The following LDLRAD4 variants were observed in gnomAD, a reference collection of about 807,000 sequenced individuals.
The protein encoded by LDLRAD4 is low density lipoprotein receptor class A domain containing 4, also known as low-density lipoprotein receptor class A domain-containing protein 4.
LDLRAD4 carries 5 observed loss-of-function variants against 17.0 expected under a neutral mutation model. The observed-to-expected ratio is 0.29, with a 90% CI of 0.15 to 0.62. The LOEUF is 0.62. LDLRAD4 is among the 20% of genes least tolerant of loss of function. The probability of loss-of-function intolerance (pLI) is 0.84; values close to 1 mark genes in which losing one functional copy is unlikely to be tolerated. For missense variants in LDLRAD4, 340 were observed against 424.7 expected, an observed-to-expected ratio of 0.80 and a Z score of 1.75; for synonymous variants, 168 against 171.8, an observed-to-expected ratio of 0.98 and a Z score of 0.17.
At chr18:13,428,818 G>A (rs1458400686) in intron 2 of LDLRAD4, among the ~76,000 whole-genome samples, 1 of 152,166 alleles carries the variant, frequency 6.6e-6, no homozygotes, top group South Asian at 2.1e-4. Flanking sequence ...GAAAGCTACT[G>A]GGGGAGTGAC....
chr18:13,516,468 G>A (rs902973647), intron 3 of LDLRAD4, among the ~76,000 whole-genome samples: 1 of 152,168 alleles, frequency 6.6e-6, no homozygotes, highest in Non-Finnish European at 1.5e-5. Context: ...TGAGGCCGTC[G>A]GGGAGGGTGT....
chr18:13,288,336 A>C (rs1311934086), intron 1 of LDLRAD4, among the ~76,000 whole-genome samples: 2 of 152,316 alleles, frequency 1.3e-5, no homozygotes, highest in Middle Eastern at 3.4e-3. Flanking sequence ...TCTCTTCCCT[A>C]TCTGTTTAAA....
exon 6 of LDLRAD4, chr18:13,650,657 T>C: frequency 3.4e-6 from 1 of 293,754 alleles, no homozygotes; most frequent in Non-Finnish European, 6.2e-6. Context: ...TGTATATAAG[T>C]TGAATATATT....
chr18:13,424,361 C>T (rs2089749859), intron 2 of LDLRAD4, among the ~76,000 whole-genome samples: 1 of 152,084 alleles, frequency 6.6e-6, no homozygotes, highest in Non-Finnish European at 1.5e-5. Flanking sequence ...TCTGTGTGGA[C>T]GTCTGTGACA....
intron 3 of LDLRAD4, among the ~76,000 whole-genome samples, chr18:13,617,818 C>T (rs2040223654): frequency 6.6e-6 from 1 of 152,008 alleles, no homozygotes; most frequent in Admixed American, 6.5e-5. Context: ...CAGATTGTCA[C>T]CAGTTAAAAG....
intron 2 of LDLRAD4, among the ~76,000 whole-genome samples, chr18:13,436,296 GA>G (rs1371603369): frequency 1.3e-5 from 2 of 152,220 alleles, no homozygotes; most frequent in Non-Finnish European, 1.5e-5. Context: ...TTGGTTATAT[GA>G]ACGAATGAAT....
At chr18:13,599,661 T>C (rs1223560224) in intron 3 of LDLRAD4, among the ~76,000 whole-genome samples, 4 of 151,980 alleles carry the variant, frequency 2.6e-5, no homozygotes, top group Non-Finnish European at 4.4e-5. Flanking sequence ...CGGCTAATTT[T>C]TTTGTATTTT....
At chr18:13,325,586 A>C (rs2081479811) in intron 1 of LDLRAD4, among the ~76,000 whole-genome samples, 1 of 152,100 alleles carries the variant, frequency 6.6e-6, no homozygotes, top group African/African-American at 2.4e-5. Context: ...TCAGCTGCTC[A>C]GTGCCTCCTC....
intron 3 of LDLRAD4, among the ~76,000 whole-genome samples, chr18:13,504,552 C>T (rs2555395): frequency 1.3e-5 from 2 of 152,038 alleles, no homozygotes; most frequent in Non-Finnish European, 2.9e-5. Flanking sequence ...CTCAGCCTCC[C>T]GAGTAGCTGG....
intron 4 of LDLRAD4, among the ~76,000 whole-genome samples, chr18:13,643,085 G>A (rs1470603743): frequency 2.6e-5 from 4 of 151,752 alleles, no homozygotes; most frequent in Non-Finnish European, 5.9e-5. Context: ...ACAGGCACCC[G>A]CCACCACGCC....
At chr18:13,516,058 A>C (rs2093861540) in intron 3 of LDLRAD4, 1 of 152,064 alleles carries the variant, frequency 6.6e-6, no homozygotes, top group Non-Finnish European at 1.5e-5. Context: ...CAAGTGATCC[A>C]CCCACCTTGG....
intron 3 of LDLRAD4, among the ~76,000 whole-genome samples, chr18:13,553,077 T>C (rs1443770424): frequency 6.6e-6 from 1 of 152,228 alleles, no homozygotes; most frequent in Non-Finnish European, 1.5e-5. Flanking sequence ...TTAGTAAATG[T>C]GACATTCTAG....
chr18:13,413,802 A>G (rs1257412990), intron 2 of LDLRAD4, among the ~76,000 whole-genome samples: 1 of 152,096 alleles, frequency 6.6e-6, no homozygotes, highest in Non-Finnish European at 1.5e-5. Flanking sequence ...GGGGTGGCAC[A>G]CGCCTGTAAT....
chr18:13,220,007 T>G (rs2041363326), intron 1 of LDLRAD4, among the ~76,000 whole-genome samples: 2 of 152,254 alleles, frequency 1.3e-5, no homozygotes, highest in Admixed American at 6.5e-5. Flanking sequence ...GTGTCAAATC[T>G]GAGTCATTAC....
At chr18:13,624,154 CCCCACCAGGTGCTGAGCACTGCCGGA>C (rs11283860) in intron 4 of LDLRAD4, among the ~76,000 whole-genome samples, 37,844 of 151,822 alleles carry the variant, frequency 0.25, 7,685 homozygotes, top group African/African-American at 0.53. Context: ...GAGGAGCCGG[CCCCACCAGGTGCTGAGCACTGCCGGA>C]CCCACCAGGT....
intron 1 of LDLRAD4, among the ~76,000 whole-genome samples, chr18:13,222,467 G>T (rs1477820253): frequency 6.6e-6 from 1 of 152,164 alleles, no homozygotes; most frequent in Non-Finnish European, 1.5e-5. Context: ...GTGCAAGTTG[G>T]TGCTTGCCAA....
chr18:13,611,476 G>A (rs1048828628), intron 3 of LDLRAD4: 27 of 985,146 alleles, frequency 2.7e-5, no homozygotes, highest in Admixed American at 1.2e-4. Context: ...ACAGCCTGGG[G>A]GCATCCGAAT....
At chr18:13,317,411 A>G (rs2080990643) in intron 1 of LDLRAD4, among the ~76,000 whole-genome samples, 1 of 152,208 alleles carries the variant, frequency 6.6e-6, no homozygotes, top group Non-Finnish European at 1.5e-5. Context: ...TTACTGAAAG[A>G]GTATTTCATT....
At chr18:13,475,803 C>T (rs1480170184) in intron 3 of LDLRAD4, among the ~76,000 whole-genome samples, 1 of 152,156 alleles carries the variant, frequency 6.6e-6, no homozygotes, top group African/African-American at 2.4e-5. Flanking sequence ...ATAAAAGACA[C>T]AGTCATCAAA....
Sources: allele counts gnomAD v4.1 joint callset (sites outside exome capture counted in the v4.1 genomes callset), GRCh38; gene constraint gnomAD v4.1.1; transcripts MANE v1.5; gene names NCBI Gene and HGNC (gene_info 2026-07-23, HGNC 2026-07-21).